ENPP1: variants seen among roughly 807,000 people sequenced by gnomAD.
ENPP1 encodes ectonucleotide pyrophosphatase/phosphodiesterase 1.
ENPP1 carries 73 observed loss-of-function variants against 122.8 expected under a neutral mutation model. That is an observed-to-expected ratio of 0.59 (90% CI 0.49 to 0.72). ENPP1 has a LOEUF of 0.72. Ranked by LOEUF, ENPP1 falls within the 30% of genes least tolerant of loss-of-function variation. The probability of loss-of-function intolerance (pLI) is 0.00; values close to 1 mark genes in which losing one functional copy is unlikely to be tolerated. For missense variants in ENPP1, 978 were observed against 1,128.1 expected (o/e 0.87, Z 1.91); for synonymous variants, 367 against 391.6 (o/e 0.94, Z 0.74).
chr6:131,877,095 C>G lies in ENPP1; in HGVS notation c.1827C>G (p.His609Gln), dbSNP rs559298860. 3.3e-5 allele frequency: 53 copies of G among 1,614,024 alleles called. No individual in the cohort carries two copies. In the South Asian group the frequency reaches 5.3e-4, roughly 16 times the overall value. Residue 609 changes from histidine to glutamine, a missense_variant, in exon 18 of 25, where the codon CAC (histidine) becomes CAG (glutamine). By Grantham distance (24) the His-to-Gln change is conservative. Coordinates refer to ENST00000647893, the MANE Select transcript of ENPP1 (RefSeq NM_006208.3). Reference protein sequence around the residue: ...VYTPKHPKEVHPLVQCPFTRN... With the variant: ...VYTPKHPKEVQPLVQCPFTRN... ...CGCCAAAGCATCCCAAAGAAGTGCA[C>G]CCCCTGGTACAGTGCCCCTTCACAA... is the stretch of plus-strand genomic sequence containing the variant.
At chr6:131,819,480 A>C (rs760634664) in intron 1 of ENPP1, among the ~76,000 whole-genome samples, 6 of 152,236 alleles carry the variant, frequency 3.9e-5, no homozygotes, top group Admixed American at 6.5e-5. Context: ...CTTCAGATTC[A>C]GTTTTTTTGT....
At chr6:131,854,079 A>C (rs1045975352) in intron 5 of ENPP1, among the ~76,000 whole-genome samples, 1 of 152,098 alleles carries the variant, frequency 6.6e-6, no homozygotes, top group Non-Finnish European at 1.5e-5. Context: ...TTAAGTATTT[A>C]TATCTTTTAA....
chr6:131,877,866 A>AATAT (rs35142604), intron 18 of ENPP1: 821 of 52,876 alleles, frequency 0.016, 18 homozygotes, highest in South Asian at 0.031. Context: ...AAAAAAAAAA[A>AATAT]ATATATATAT....
At chr6:131,811,356 A>AT (rs924260382) in intron 1 of ENPP1, among the ~76,000 whole-genome samples, 16 of 147,476 alleles carry the variant, frequency 1.1e-4, no homozygotes, top group African/African-American at 3.0e-4. Flanking sequence ...TTAAAAAAAC[A>AT]TATATCTATA....
At chr6:131,816,882 T>C (rs1391007664) in intron 1 of ENPP1, among the ~76,000 whole-genome samples, 2 of 152,206 alleles carry the variant, frequency 1.3e-5, no homozygotes, top group East Asian at 3.8e-4. Context: ...AATTCTGCTT[T>C]ACAGATAAGG....
Position 131,852,352 on chromosome 6 carries a change from G to A in ENPP1, c.617+117G>A. On this transcript the variant is annotated intron_variant, in intron 5 of 24. Transcript: ENST00000647893. ...ATCACTGGTTTATTAAACATTACAG[G>A]TTGAGTATCCTTTATCCAAAATGTT... The A allele has an allele frequency of 1.3e-5, 9 of 699,440 alleles. No homozygotes were observed. In the Admixed American group the frequency reaches 1.6e-4, roughly 13 times the overall value. 43.3% of individuals were successfully genotyped at this position (699,440 alleles called of 1,614,324 possible).
At chr6:131,884,175 AATTT>A (rs779327131) in intron 22 of ENPP1, among the ~76,000 whole-genome samples, 15 of 152,324 alleles carry the variant, frequency 9.8e-5, no homozygotes, top group Non-Finnish European at 2.1e-4. Flanking sequence ...CAGGAATAAA[AATTT>A]AGTTACTTAA....
chr6:131,882,597 T>C (rs1782325941), intron 21 of ENPP1, 123 bp downstream of exon 21: 1 of 182,844 alleles, frequency 5.5e-6, no homozygotes, highest in South Asian at 1.0e-4. Flanking sequence ...AAATATTACC[T>C]ATTTTATATA....
chr6:131,815,840 G>A (rs1293838248), intron 1 of ENPP1, among the ~76,000 whole-genome samples: 1 of 151,040 alleles, frequency 6.6e-6, no homozygotes, highest in Admixed American at 6.6e-5. Flanking sequence ...GAGTAGCTGG[G>A]ATTACAGGCG....
chr6:131,889,254 A>C (rs1032720159), intron 24 of ENPP1, among the ~76,000 whole-genome samples: 7 of 152,306 alleles, frequency 4.6e-5, no homozygotes, highest in Admixed American at 2.6e-4. Context: ...TCAGGGGTAC[A>C]TGTGCAGGAT....
In ENPP1 at chr6:131,864,694, T is replaced by TAGTAAATGA. The variant is rs1782066769; in HGVS notation, c.1091+124_1091+132dup. 6.1e-6 allele frequency: 5 copies of TAGTAAATGA among 823,366 alleles called. No individual in the cohort carries two copies. In the East Asian group the frequency reaches 1.3e-4, roughly 21 times the overall value. 51.0% of individuals were successfully genotyped at this position (823,366 alleles called of 1,614,324 possible). A position where few individuals can be genotyped will look rare whatever the true frequency, so the allele number is the denominator to read the frequency against. On this transcript the variant is annotated intron_variant, in intron 10 of 24. Coordinates refer to ENST00000647893, the MANE Select transcript of ENPP1 (RefSeq NM_006208.3). ...ATGTTTTATATCGAAATAAATTCTTTAGTAAATGATCATACCACATTTTGA... is the reference window on the plus strand; with the variant it reads ...ATGTTTTATATCGAAATAAATTCTTTAGTAAATGAAGTAAATGATCATACCACATTTTGA...
At chr6:131,819,847 G>A (rs962686451) in intron 1 of ENPP1, 4 of 431,312 alleles carry the variant, frequency 9.3e-6, no homozygotes, top group Non-Finnish European at 9.0e-6. Flanking sequence ...CTGGGGCCAC[G>A]CAAATGATTG....
intron 8 of ENPP1, among the ~76,000 whole-genome samples, chr6:131,860,960 G>A (rs896253967): frequency 4.0e-5 from 6 of 151,642 alleles, no homozygotes; most frequent in Admixed American, 2.6e-4. Flanking sequence ...TTTTTAAATT[G>A]CCACAATTTA....
intron 6 of ENPP1, among the ~76,000 whole-genome samples, chr6:131,856,311 C>A (rs1268502314): frequency 6.6e-6 from 1 of 151,048 alleles, no homozygotes; most frequent in East Asian, 1.9e-4. Flanking sequence ...CTGTTCATGT[C>A]CTTCGCCCAC....
intron 11 of ENPP1, among the ~76,000 whole-genome samples, chr6:131,867,236 A>T (rs1336043561): frequency 6.6e-6 from 1 of 152,224 alleles, no homozygotes; most frequent in Non-Finnish European, 1.5e-5. Flanking sequence ...CTTATCTCAT[A>T]TTATAGTGAA....
chr6:131,852,375 G>A (rs1781893290), intron 5 of ENPP1, 140 bp downstream of exon 5: 1 of 649,742 alleles, frequency 1.5e-6, no homozygotes, highest in African/African-American at 1.8e-5. Flanking sequence ...TATCCAAAAT[G>A]TTTGGTATGA....
intron 1 of ENPP1, among the ~76,000 whole-genome samples, chr6:131,811,436 A>C (rs528162979): frequency 2.0e-4 from 20 of 100,154 alleles, no homozygotes; most frequent in South Asian, 3.5e-4. Context: ...ATATCTATAT[A>C]TATGTAGAGA....
chr6:131,834,037 A>G (rs1291631770), intron 1 of ENPP1, among the ~76,000 whole-genome samples: 1 of 152,238 alleles, frequency 6.6e-6, no homozygotes, highest in Non-Finnish European at 1.5e-5. Flanking sequence ...GTCTCAAGAT[A>G]CAATGACGGT....
In ENPP1 at chr6:131,860,417, G is replaced by A. The variant is rs143771474; in HGVS notation, c.826G>A (p.Asp276Asn). Reference protein sequence around the residue: ...GLYPESHGIIDNKMYDPKMNA... With the variant: ...GLYPESHGIINNKMYDPKMNA... ...GTATCCAGAATCTCATGGCATAATCGACAATAAAATGTATGATCCCAAAAT... is the reference window on the plus strand; with the variant it reads ...GTATCCAGAATCTCATGGCATAATCAACAATAAAATGTATGATCCCAAAAT... Residue 276 changes from aspartate to asparagine, a missense_variant, in exon 8 of 25, where the codon GAC (aspartate) becomes AAC (asparagine). Physicochemically the swap from Asp to Asn is conservative, Grantham distance 23. Around this residue, in one of 3 missense-constraint regions of ENPP1, gnomAD observed 644 missense variants for 781.5 expected, o/e 0.82. Coordinates refer to ENST00000647893, the MANE Select transcript of ENPP1 (RefSeq NM_006208.3). 21 of 1,596,990 alleles carry A rather than the reference G, an allele frequency of 1.3e-5. No homozygotes were observed. In the African/African-American group the frequency reaches 2.0e-4, roughly 15 times the overall value.
Sources: allele counts gnomAD v4.1 joint callset (sites outside exome capture counted in the v4.1 genomes callset), GRCh38; gene constraint gnomAD v4.1.1; regional missense constraint gnomAD v4.1.1; transcripts MANE v1.5; gene names NCBI Gene and HGNC (gene_info 2026-07-23, HGNC 2026-07-21).